SCOC: variants seen among roughly 807,000 people sequenced by gnomAD.
SCOC encodes the protein short coiled coil protein.
In SCOC, 7 loss-of-function variants were observed where a neutral mutation model predicts 9.9. That is an observed-to-expected ratio of 0.71 (90% CI 0.40 to 1.33). SCOC has a LOEUF of 1.33. Among genes scored for constraint, SCOC ranks in the 40% most tolerant of loss-of-function variants. The pLI is 0.01. For missense variants in SCOC, 66 were observed against 89.7 expected (o/e 0.74, Z 1.07); for synonymous variants, 19 against 28.2 (o/e 0.67, Z 1.03).
intron 2 of SCOC, chr4:140,343,719 A>G: frequency 6.3e-7 from 1 of 1,592,136 alleles, no homozygotes; most frequent in Middle Eastern, 1.7e-4. Context: ...GTAAGGAAAA[A>G]ATGGATAACT....
rs557103682 is a variant in SCOC, at chr4:140,291,148, C to T, written c.-19+33738C>T. On this transcript the variant is annotated intron_variant, in intron 1 of 4. Transcript: ENST00000394205. ...GCAAGCCTGGATCTGCTGCAGAGCC[C>T]ATTCTTGCTCCTGGGCTTTCTGAAA... is the stretch of plus-strand genomic sequence containing the variant. Among the ~76,000 whole-genome samples the T allele has an allele frequency of 1.4e-3, 209 of 152,288 alleles. 3 individuals carry two copies. The highest frequency in any genetic ancestry group is 5.0e-3 in the African/African-American group (206 of 41,552).
upstream of SCOC, among the ~76,000 whole-genome samples, chr4:140,340,272 G>A (rs901109536): frequency 4.6e-5 from 7 of 151,984 alleles, no homozygotes; most frequent in African/African-American, 7.3e-5. Flanking sequence ...GACACAGAAA[G>A]GGCAACATCA....
At chr4:140,353,565 C>T (rs1217931888) in intron 2 of SCOC, among the ~76,000 whole-genome samples, 3 of 152,070 alleles carry the variant, frequency 2.0e-5, no homozygotes, top group Non-Finnish European at 4.4e-5. Flanking sequence ...TGCACGCCAC[C>T]ACGCCCGGCT....
chr4:140,287,896 T>A (rs1731343626), intron 1 of SCOC, among the ~76,000 whole-genome samples: 1 of 151,858 alleles, frequency 6.6e-6, no homozygotes, highest in African/African-American at 2.4e-5. Context: ...ACACACCACA[T>A]ACACACAACA....
At chr4:140,278,213 G>A (rs983648533) in intron 1 of SCOC, among the ~76,000 whole-genome samples, 2 of 152,150 alleles carry the variant, frequency 1.3e-5, no homozygotes, top group Non-Finnish European at 2.9e-5. Flanking sequence ...TTGGTGTCTG[G>A]TGTAGGCTTA....
intron 1 of SCOC, among the ~76,000 whole-genome samples, chr4:140,335,638 A>G (rs970304072): frequency 6.6e-6 from 1 of 152,152 alleles, no homozygotes; most frequent in Non-Finnish European, 1.5e-5. Flanking sequence ...CTGATTGCAT[A>G]CACTCCAGAT....
At chr4:140,334,560 T>C (rs1231187907) in intron 1 of SCOC, among the ~76,000 whole-genome samples, 3 of 151,878 alleles carry the variant, frequency 2.0e-5, no homozygotes, top group Non-Finnish European at 4.4e-5. Context: ...AGCGAAACTG[T>C]TTTTTTTCCT....
chr4:140,260,341 A>G (rs1730604092), intron 1 of SCOC, among the ~76,000 whole-genome samples: 1 of 152,254 alleles, frequency 6.6e-6, no homozygotes, highest in South Asian at 2.1e-4. Flanking sequence ...TTTCATCACC[A>G]GCAAAGAAAT....
At chr4:140,330,068 C>G (rs1732767482) in intron 1 of SCOC, among the ~76,000 whole-genome samples, 1 of 152,122 alleles carries the variant, frequency 6.6e-6, no homozygotes, top group Non-Finnish European at 1.5e-5. Context: ...GCCCATCAGT[C>G]AATGAGTGGC....
At chr4:140,344,759 G>A (rs548346181) in intron 2 of SCOC, among the ~76,000 whole-genome samples, 35 of 152,216 alleles carry the variant, frequency 2.3e-4, no homozygotes, top group Non-Finnish European at 4.4e-4. Context: ...AGCTGCAGAA[G>A]GCAGTGAAGG....
intron 1 of SCOC, among the ~76,000 whole-genome samples, chr4:140,286,754 C>T (rs1009531724): frequency 6.6e-6 from 1 of 152,180 alleles, no homozygotes; most frequent in Non-Finnish European, 1.5e-5. Context: ...GGAGGCGGGG[C>T]GCTGGAGCCG....
chr4:140,301,667 C>CG (rs772839352), intron 1 of SCOC, among the ~76,000 whole-genome samples: 1 of 152,062 alleles, frequency 6.6e-6, no homozygotes, highest in Non-Finnish European at 1.5e-5. Context: ...GAAAATCAGA[C>CG]GAGAGTCTGG....
intron 2 of SCOC, among the ~76,000 whole-genome samples, chr4:140,361,451 C>T (rs547354749): frequency 1.3e-5 from 2 of 152,146 alleles, no homozygotes; most frequent in South Asian, 4.2e-4. Flanking sequence ...ATCACTTGAG[C>T]CCAGGAGTTT....
chr4:140,302,030 C>T (rs535976971), intron 1 of SCOC, among the ~76,000 whole-genome samples: 79 of 152,144 alleles, frequency 5.2e-4, no homozygotes, highest in African/African-American at 1.8e-3. Flanking sequence ...GACAGGGTTT[C>T]GCCATGTTAC....
chr4:140,328,453 C>A (rs551584039), intron 1 of SCOC, among the ~76,000 whole-genome samples: 1 of 152,172 alleles, frequency 6.6e-6, no homozygotes, highest in South Asian at 2.1e-4. Flanking sequence ...ACCTTCGAGT[C>A]GACCTCTGTG....
chr4:140,290,997 C>T (rs576112795), intron 1 of SCOC, among the ~76,000 whole-genome samples: 10 of 152,154 alleles, frequency 6.6e-5, no homozygotes, highest in Non-Finnish European at 1.2e-4. Flanking sequence ...TGTTCCAGAA[C>T]CCCAGAAGCC....
chr4:140,339,249 G>A (rs910668641), upstream of SCOC, among the ~76,000 whole-genome samples: 5 of 152,216 alleles, frequency 3.3e-5, no homozygotes, highest in Admixed American at 2.6e-4. Context: ...CTAGCCATAT[G>A]TAGAAAGCTG....
chr4:140,304,255 C>T (rs182042546), intron 1 of SCOC, among the ~76,000 whole-genome samples: 1 of 152,244 alleles, frequency 6.6e-6, no homozygotes, highest in Non-Finnish European at 1.5e-5. Flanking sequence ...AGAGCAAAAA[C>T]AGGGTTTTGT....
chr4:140,330,895 T>C (rs975507402), intron 1 of SCOC, among the ~76,000 whole-genome samples: 3 of 152,210 alleles, frequency 2.0e-5, no homozygotes, highest in Non-Finnish European at 4.4e-5. Context: ...TTTGTGCCCA[T>C]TGGGATGAAA....
Sources: gnomAD v4.1 joint callset for allele counts (sites outside exome capture counted in the v4.1 genomes callset) on GRCh38, gnomAD v4.1.1 for gene constraint, MANE v1.5 for transcripts, NCBI Gene and HGNC (gene_info 2026-07-23, HGNC 2026-07-21) for gene names.